GPR63: variants seen among roughly 807,000 people sequenced by gnomAD.
The protein encoded by GPR63 is G protein-coupled receptor 63, also known as probable G protein-coupled receptor 63.
A neutral mutation model predicts 23.1 loss-of-function variants in GPR63; 12 were observed. That is an observed-to-expected ratio of 0.52 (90% CI 0.33 to 0.84). The LOEUF (loss-of-function observed/expected upper bound fraction) is 0.84. Among genes scored for constraint, GPR63 ranks in the 40% least tolerant of loss-of-function variants. GPR63 has a pLI of 0.02. For synonymous variants in GPR63, 172 were observed against 191.1 expected, an observed-to-expected ratio of 0.90 and a Z score of 0.82; for missense variants, 472 against 515.6, an observed-to-expected ratio of 0.92 and a Z score of 0.82.
At chr6:96,800,945 C>T (rs1382640855) in intron 1 of GPR63, among the ~76,000 whole-genome samples, 1 of 152,162 alleles carries the variant, frequency 6.6e-6, no homozygotes, top group Non-Finnish European at 1.5e-5. Context: ...TTATCCTAAC[C>T]CCCAATTTCT....
intron 1 of GPR63, among the ~76,000 whole-genome samples, chr6:96,814,797 T>C (rs2127952667): frequency 6.6e-6 from 1 of 152,176 alleles, no homozygotes; most frequent in Non-Finnish European, 1.5e-5. Context: ...TGAGGCAGCA[T>C]GAGAGCCAAT....
At chr6:96,800,886 C>A (rs1773746077) in intron 1 of GPR63, among the ~76,000 whole-genome samples, 1 of 152,198 alleles carries the variant, frequency 6.6e-6, no homozygotes, top group Non-Finnish European at 1.5e-5. Context: ...AGAAAACTTA[C>A]AAACATATTT....
Position 96,799,422 on chromosome 6 carries a change from G to A in GPR63, c.310C>T (p.Leu104Phe). 4 of 1,614,062 alleles carry A rather than the reference G, an allele frequency of 2.5e-6. No individual in the cohort carries two copies. Among genetic ancestry groups the A allele is most frequent in the Non-Finnish European group, 3.4e-6 (4 of 1,180,004 alleles). The change falls in exon 2 of 2, where the codon CTC (leucine) becomes TTC (phenylalanine). Residue 104 changes from leucine to phenylalanine, a missense_variant. Transcript: ENST00000229955. ...VSFLGNLVVC[L>F]MVYQKAAMRS... ...ATGGCAGCTTTTTGGTAAACCATGA[G>A]GCAAACAACCAAGTTCCCAAGAAAA...
chr6:96,836,437 C>T (rs2127964715), intron 1 of GPR63, among the ~76,000 whole-genome samples: 1 of 152,176 alleles, frequency 6.6e-6, no homozygotes, highest in Admixed American at 6.5e-5. Context: ...ATTTTAAAAA[C>T]ATATGGTTTA....
rs143513696 is a variant in GPR63, at chr6:96,796,905, C to G, written c.*1567G>C. The G allele has an allele frequency of 4.6e-5, 7 of 152,278 alleles. No homozygotes were observed. The East Asian group carries it at 5.8e-4, about 13-fold the overall frequency. 9.4% of individuals were successfully genotyped at this position (152,278 alleles called of 1,614,324 possible). ...CCTTATTTATCTAAGATTTTTAAGT[C>G]TCACATTAAAAAGTGGTTGTAGGTC... is the stretch of plus-strand genomic sequence containing the variant. On this transcript the variant is annotated 3_prime_UTR_variant, in exon 2 of 2. Transcript: ENST00000229955.
Position 96,809,559 on chromosome 6 carries a change from CTAAG to C in GPR63, c.-150-9682_-150-9679del, listed in dbSNP as rs541977400. Among the ~76,000 whole-genome samples, 22 of 152,184 alleles carry C rather than the reference CTAAG, an allele frequency of 1.4e-4. 2 individuals are homozygous for C. The South Asian group carries it at 4.4e-3, about 30-fold the overall frequency. ...AACCAAAAAATTCTTTCATGGTTCA[CTAAG>C]TATGTTCTCTTTATATGCAATTTGA... is the stretch of plus-strand genomic sequence containing the variant. On this transcript the variant is annotated intron_variant, in intron 1 of 1. Transcript: ENST00000229955.
At chr6:96,823,693 G>A (rs970816227) in intron 1 of GPR63, among the ~76,000 whole-genome samples, 2 of 152,036 alleles carry the variant, frequency 1.3e-5, no homozygotes, top group African/African-American at 4.8e-5. Flanking sequence ...CTCACTCATT[G>A]ACAGAGTAAT....
At chr6:96,834,565 T>A (rs1774673086) in intron 1 of GPR63, among the ~76,000 whole-genome samples, 3 of 145,530 alleles carry the variant, frequency 2.1e-5, no homozygotes. Flanking sequence ...ATGTCATAGT[T>A]GCAAAAAAAA....
intron 1 of GPR63, among the ~76,000 whole-genome samples, chr6:96,818,387 C>A (rs1774216730): frequency 1.3e-5 from 2 of 151,900 alleles, no homozygotes; most frequent in African/African-American, 4.8e-5. Context: ...CGCCTGAACC[C>A]AGGAGGCAGA....
intron 1 of GPR63, among the ~76,000 whole-genome samples, chr6:96,828,814 G>C (rs1774507532): frequency 6.6e-6 from 1 of 152,106 alleles, no homozygotes; most frequent in Non-Finnish European, 1.5e-5. Context: ...AACAAGTAGG[G>C]AAAGGTGTGT....
At position 96,798,381 on chromosome 6, in the gene GPR63, T is replaced by A. The variant is rs1562111153; in HGVS notation, c.*91A>T. 9.2e-6 allele frequency: 12 copies of A among 1,306,740 alleles called. No homozygotes were observed. The South Asian group carries it at 1.5e-4, about 16-fold the overall frequency. The allele number at this position is 1,306,740 out of a possible 1,614,324, so 80.9% of individuals were successfully genotyped here. A position where few individuals can be genotyped will look rare whatever the true frequency, so the allele number is the denominator to read the frequency against. On this transcript the variant is annotated 3_prime_UTR_variant, in exon 2 of 2. Coordinates refer to ENST00000229955, the MANE Select transcript of GPR63 (RefSeq NM_030784.4). ...CACACACATACATACACAAACCCTA[T>A]AAAAAAAAATAAAGTGGAGAGGCTA...
chr6:96,827,804 ATCTC>A (rs1198947005), intron 1 of GPR63, among the ~76,000 whole-genome samples: 3 of 151,918 alleles, frequency 2.0e-5, no homozygotes, highest in South Asian at 2.1e-4. Context: ...ACAAACAAAA[ATCTC>A]TCTCTCTCCC....
intron 1 of GPR63, among the ~76,000 whole-genome samples, chr6:96,833,288 A>T (rs1774638620): frequency 6.6e-6 from 1 of 152,182 alleles, no homozygotes; most frequent in Non-Finnish European, 1.5e-5. Context: ...TGAACAAAAA[A>T]TCCTGCACCA....
chr6:96,820,120 C>T (rs1310294903), intron 1 of GPR63, among the ~76,000 whole-genome samples: 1 of 150,158 alleles, frequency 6.7e-6, no homozygotes, highest in Non-Finnish European at 1.5e-5. Context: ...ATAAAATCTT[C>T]TTGAACATTT....
chr6:96,799,143 C>T lies in GPR63; in HGVS notation c.589G>A (p.Val197Ile), dbSNP rs766385430. 12 of 1,614,140 alleles carry T rather than the reference C, an allele frequency of 7.4e-6. No individual in the cohort carries two copies. Among genetic ancestry groups the T allele is most frequent in the Non-Finnish European group, 2.5e-6 (3 of 1,180,038 alleles). The change falls in exon 2 of 2, where the codon GTT becomes ATT. Residue 197 changes from valine (V) to isoleucine (I), a missense_variant. Coordinates refer to ENST00000229955, the MANE Select transcript of GPR63 (RefSeq NM_030784.4). ...GTTGCCCAAGAAACTGCAATCAGAACCTTAGCTCTATATGGGTTTAGCTTA... is the reference window on the plus strand; with the variant it reads ...GTTGCCCAAGAAACTGCAATCAGAATCTTAGCTCTATATGGGTTTAGCTTA... ...QDKLNPYRAK[V>I]LIAVSWATSF...
At chr6:96,821,541 CTA>C (rs1447814852) in intron 1 of GPR63, among the ~76,000 whole-genome samples, 1 of 152,160 alleles carries the variant, frequency 6.6e-6, no homozygotes, top group Non-Finnish European at 1.5e-5. Context: ...TGGCAGAATT[CTA>C]TATAATTCTT....
intron 1 of GPR63, among the ~76,000 whole-genome samples, chr6:96,806,162 G>A (rs1056691180): frequency 6.6e-6 from 1 of 152,298 alleles, no homozygotes; most frequent in South Asian, 2.1e-4. Context: ...TGACTATACA[G>A]TAAGTGGCAA....
chr6:96,806,762 C>T (rs1320812603), intron 1 of GPR63, among the ~76,000 whole-genome samples: 14 of 152,344 alleles, frequency 9.2e-5, no homozygotes, highest in African/African-American at 3.4e-4. Flanking sequence ...AGTTCAGTTA[C>T]ATGAGCAAGT....
At position 96,799,118 on chromosome 6, in the gene GPR63, G is replaced by T. The variant is rs760984519; in HGVS notation, c.614C>A (p.Thr205Asn). 1.2e-6 allele frequency: 2 copies of T among 1,614,066 alleles called. No individual in the cohort carries two copies. The highest frequency in any genetic ancestry group is 2.7e-5 in the African/African-American group (2 of 74,918). The part of the protein sequence containing the change: ...AKVLIAVSWA[T>N]SFCVAFPLAV... ...TAAAGGAAAAGCTACACAAAAGGAA[G>T]TTGCCCAAGAAACTGCAATCAGAAC... is the stretch of plus-strand genomic sequence containing the variant. Residue 205 changes from threonine (T) to asparagine (N), a missense_variant, in exon 2 of 2, where the codon ACT (threonine) becomes AAT (asparagine). Transcript: ENST00000229955.
Sources: allele counts gnomAD v4.1 joint callset (sites outside exome capture counted in the v4.1 genomes callset), GRCh38; gene constraint gnomAD v4.1.1; transcripts MANE v1.5; gene names NCBI Gene and HGNC (gene_info 2026-07-23, HGNC 2026-07-21).